WWOX: variants seen among roughly 807,000 people sequenced by gnomAD.
The protein encoded by WWOX is WW domain-containing oxidoreductase.
A neutral mutation model predicts 46.2 loss-of-function variants in WWOX; 69 were observed. The observed-to-expected ratio is 1.49, with a 90% CI of 1.23 to 1.82. The LOEUF is 1.82. Ranked by LOEUF, WWOX falls within the 40% of genes most tolerant of loss-of-function variation. The pLI is 0.00. For missense variants in WWOX, 919 were observed against 542.6 expected (o/e 1.69, Z -6.89); for synonymous variants, 359 against 202.6 (o/e 1.77, Z -6.56).
chr16:78,371,463 C>G (rs562704607), intron 5 of WWOX, among the ~76,000 whole-genome samples: 2 of 152,194 alleles, frequency 1.3e-5, no homozygotes, highest in South Asian at 2.1e-4. Flanking sequence ...TTCTGTAGCT[C>G]TTTTAGTTGG....
intron 8 of WWOX, among the ~76,000 whole-genome samples, chr16:78,763,421 G>C (rs370770051): frequency 1.5e-3 from 228 of 152,304 alleles, no homozygotes; most frequent in African/African-American, 5.2e-3. Context: ...CAGTGGCCTG[G>C]TCACATCTTC....
intron 8 of WWOX, among the ~76,000 whole-genome samples, chr16:78,763,410 G>C (rs1274750960): frequency 6.6e-6 from 1 of 152,150 alleles, no homozygotes; most frequent in Admixed American, 6.5e-5. Flanking sequence ...TATCTACCAG[G>C]CAGTGGCCTG....
At chr16:79,181,373 A>G (rs1273067973) in intron 8 of WWOX, among the ~76,000 whole-genome samples, 1 of 152,130 alleles carries the variant, frequency 6.6e-6, no homozygotes, top group Non-Finnish European at 1.5e-5. Context: ...CAATTTTGAT[A>G]TTATTGTTGT....
intron 8 of WWOX, among the ~76,000 whole-genome samples, chr16:78,441,304 C>T (rs1567575253): frequency 6.6e-6 from 1 of 152,152 alleles, no homozygotes. Flanking sequence ...CTGGTCCATA[C>T]CGTAAATGTT....
chr16:78,385,559 G>C (rs2082044315), intron 5 of WWOX, among the ~76,000 whole-genome samples: 1 of 152,134 alleles, frequency 6.6e-6, no homozygotes. Context: ...ACTGCTCAAA[G>C]CTTAGGACTT....
intron 5 of WWOX, among the ~76,000 whole-genome samples, chr16:78,194,449 G>T (rs901729361): frequency 1.3e-4 from 20 of 151,650 alleles, no homozygotes; most frequent in African/African-American, 4.1e-4. Flanking sequence ...TTAGCCTGGC[G>T]TGGTGGTGGG....
rs150210469 is a variant in WWOX, at chr16:78,522,268, T to C, written c.1056+89516T>C. 8.3e-3 allele frequency among the ~76,000 whole-genome samples: 1,222 copies of C among 147,428 alleles called. 3 individuals carry two copies. The highest frequency in any genetic ancestry group is 0.032 in the Middle Eastern group (9 of 280). On this transcript the variant is annotated intron_variant, in intron 8 of 8. Transcript: ENST00000566780. ...GGAGTTGAAAAATAAGGGTTAGGAT[T>C]AAAAAAAAAAACTAGTGAAATCAAG... is the stretch of plus-strand genomic sequence containing the variant.
chr16:78,821,835 C>T (rs1200485725), intron 8 of WWOX, among the ~76,000 whole-genome samples: 2 of 152,112 alleles, frequency 1.3e-5, no homozygotes, highest in Non-Finnish European at 2.9e-5. Context: ...CTTCTGAGTC[C>T]AAAGCTAACA....
At chr16:78,431,848 C>T (rs1308369969) in intron 7 of WWOX, among the ~76,000 whole-genome samples, 1 of 152,074 alleles carries the variant, frequency 6.6e-6, no homozygotes, top group Admixed American at 6.6e-5. Context: ...CCCCAAGTAG[C>T]TGGGACCACA....
At chr16:78,104,604 C>G (rs1257809802) in intron 1 of WWOX, among the ~76,000 whole-genome samples, 1 of 152,104 alleles carries the variant, frequency 6.6e-6, no homozygotes. Context: ...TTAGATTACT[C>G]TTAATTATCT....
intron 5 of WWOX, among the ~76,000 whole-genome samples, chr16:78,206,013 ACTTG>A (rs1406713765): frequency 4.0e-5 from 6 of 148,738 alleles, no homozygotes; most frequent in Non-Finnish European, 7.4e-5. Context: ...TCCATTATTA[ACTTG>A]CTGGTATTTT....
chr16:78,154,727 G>T (rs2034539123), intron 4 of WWOX, among the ~76,000 whole-genome samples: 1 of 151,966 alleles, frequency 6.6e-6, no homozygotes, highest in Admixed American at 6.6e-5. Flanking sequence ...CCAAGGCATA[G>T]CTAGCATCCT....
intron 8 of WWOX, among the ~76,000 whole-genome samples, chr16:78,714,384 C>G (rs191157995): frequency 1.3e-5 from 2 of 152,148 alleles, no homozygotes; most frequent in East Asian, 1.9e-4. Context: ...ATAAAACCAT[C>G]AGATCTCGTG....
chr16:79,143,194 T>C (rs1197253766), intron 8 of WWOX, among the ~76,000 whole-genome samples: 1 of 152,230 alleles, frequency 6.6e-6, no homozygotes, highest in East Asian at 1.9e-4. Context: ...ATAGTTTCTC[T>C]CAAAGAATGT....
intron 8 of WWOX, among the ~76,000 whole-genome samples, chr16:78,777,907 T>A (rs984726149): frequency 3.3e-5 from 5 of 151,994 alleles, no homozygotes; most frequent in African/African-American, 1.2e-4. Context: ...GAGCTGGGTG[T>A]GGTGGCACAT....
intron 8 of WWOX, among the ~76,000 whole-genome samples, chr16:78,961,848 G>T (rs189412385): frequency 6.6e-6 from 1 of 152,148 alleles, no homozygotes; most frequent in Non-Finnish European, 1.5e-5. Context: ...CATCTTCCAT[G>T]AAGTTGATTT....
At chr16:78,795,036 G>C (rs1295953615) in intron 8 of WWOX, among the ~76,000 whole-genome samples, 1 of 152,174 alleles carries the variant, frequency 6.6e-6, no homozygotes, top group Non-Finnish European at 1.5e-5. Context: ...TTGAGCTGGC[G>C]ATTTTTCCAG....
chr16:78,882,773 G>T (rs955136825), intron 8 of WWOX, among the ~76,000 whole-genome samples: 1 of 151,196 alleles, frequency 6.6e-6, no homozygotes, highest in Non-Finnish European at 1.5e-5. Flanking sequence ...ACAGGCATGA[G>T]CCACCGCACC....
intron 5 of WWOX, among the ~76,000 whole-genome samples, chr16:78,244,316 A>T (rs183477666): frequency 1.1e-3 from 163 of 152,324 alleles, no homozygotes; most frequent in African/African-American, 3.8e-3. Context: ...GGGATCATAG[A>T]TGCTGATAAA....
Sources: allele counts gnomAD v4.1 joint callset (sites outside exome capture counted in the v4.1 genomes callset), GRCh38; gene constraint gnomAD v4.1.1; transcripts MANE v1.5; gene names NCBI Gene and HGNC (gene_info 2026-07-23, HGNC 2026-07-21).